Variants in CREB1 observed in about 807,000 individuals in gnomAD.
The protein encoded by CREB1 is cyclic AMP-responsive element-binding protein 1.
Under a neutral mutation model 42.0 loss-of-function variants are expected in CREB1, and 2 were observed. The ratio of observed to expected loss-of-function variants is 0.05; its 90% confidence interval spans 0.02 to 0.15. The LOEUF is 0.15. Ranked by LOEUF, CREB1 falls within the 10% of genes least tolerant of loss-of-function variation. CREB1 has a pLI of 1.00. For synonymous variants in CREB1, 123 were observed against 139.9 expected (o/e 0.88, Z 0.85); for missense variants, 199 against 388.9 (o/e 0.51, Z 4.11).
At chr2:207,568,047 T>C (rs889916076) in intron 4 of CREB1, 1 of 152,162 alleles carries the variant, frequency 6.6e-6, no homozygotes, top group Non-Finnish European at 1.5e-5. Flanking sequence ...TGTTGCCTAG[T>C]CCATGCCTTG....
chr2:207,577,488 C>A lies in CREB1; in HGVS notation c.689-17C>A. ...TGCAATGTTTCTGTCTTACACCATG[C>A]TCACTGTTTTTTTCAGCTGCCTCTG... On this transcript the variant is annotated splice_polypyrimidine_tract_variant and intron_variant, in intron 6 of 7. Coordinates refer to ENST00000353267, the MANE Select transcript of CREB1 (RefSeq NM_004379.5). 6.2e-7 allele frequency: 1 copy of A among 1,612,980 alleles called. No homozygotes were observed. Among genetic ancestry groups the A allele is most frequent in the Non-Finnish European group, 8.5e-7 (1 of 1,179,224 alleles).
intron 1 of CREB1, among the ~76,000 whole-genome samples, chr2:207,530,643 C>T (rs2106312237): frequency 6.7e-6 from 1 of 150,336 alleles, no homozygotes; most frequent in African/African-American, 2.4e-5. Flanking sequence ...GCAGCCGCCG[C>T]CTAGGTGCCG....
At position 207,576,832 on chromosome 2, in the gene CREB1, T is replaced by G. The variant is rs1343613272; in HGVS notation, c.689-673T>G. 3.0e-6 allele frequency: 3 copies of G among 1,005,354 alleles called. No homozygotes were observed. The East Asian group carries it at 2.2e-4, about 75-fold the overall frequency. The allele number at this position is 1,005,354 out of a possible 1,614,324, so 62.3% of individuals were successfully genotyped here. ...GTTCCTTATTAGGAGAGCATATTAT[T>G]ACGCTGTTTTTAGAAGCAGTTTGAC... On this transcript the variant is annotated intron_variant, in intron 6 of 7. Transcript: ENST00000353267.
chr2:207,530,601 C>T (rs1245861650), intron 1 of CREB1, among the ~76,000 whole-genome samples: 2 of 148,116 alleles, frequency 1.4e-5, no homozygotes, highest in Non-Finnish European at 3.0e-5. Flanking sequence ...CCGCCCGCCT[C>T]GCCCCCGGCC....
intron 7 of CREB1, 162 bp downstream of exon 7, chr2:207,577,817 G>T (rs1045030524): frequency 5.2e-6 from 4 of 763,376 alleles, no homozygotes; most frequent in Admixed American, 4.4e-5. Flanking sequence ...TTAATAAGCT[G>T]CACTTATAAG....
chr2:207,576,836 C>T (rs1402121626), intron 6 of CREB1: 2 of 1,003,698 alleles, frequency 2.0e-6, no homozygotes, highest in South Asian at 4.1e-5. Context: ...TATTATTACG[C>T]TGTTTTTAGA....
intron 7 of CREB1, among the ~76,000 whole-genome samples, chr2:207,589,242 G>T (rs986287941): frequency 3.3e-5 from 5 of 152,154 alleles, no homozygotes; most frequent in South Asian, 2.1e-4. Context: ...CTTCCTGGAG[G>T]TTCTAGGTGA....
At chr2:207,557,169 C>T (rs2106462866) in intron 2 of CREB1, among the ~76,000 whole-genome samples, 1 of 151,882 alleles carries the variant, frequency 6.6e-6, no homozygotes, top group South Asian at 2.1e-4. Context: ...TGCCAGCAGG[C>T]TTCTTTATGA....
rs1042634088 is a variant in CREB1 at position 207,601,456 on chromosome 2, G to T, written c.*4398G>T. On this transcript the variant is annotated 3_prime_UTR_variant, in exon 8 of 8. Coordinates refer to ENST00000353267, the MANE Select transcript of CREB1 (RefSeq NM_004379.5). ...AGAAAAACATCAGGAAATTAGATATGACTAGCCCAGTTAATTAAAAGACGG... is the reference window on the plus strand; with the variant it reads ...AGAAAAACATCAGGAAATTAGATATTACTAGCCCAGTTAATTAAAAGACGG... 2.6e-5 allele frequency: 5 copies of T among 191,246 alleles called. No homozygotes were observed. Among genetic ancestry groups the T allele is most frequent in the Admixed American group, 6.1e-5 (1 of 16,298 alleles). 11.8% of individuals were successfully genotyped at this position (191,246 alleles called of 1,614,324 possible).
Position 207,603,510 on chromosome 2 carries a change from T to G in CREB1, c.*6452T>G. On this transcript the variant is annotated 3_prime_UTR_variant, in exon 8 of 8. Coordinates refer to ENST00000353267, the MANE Select transcript of CREB1 (RefSeq NM_004379.5). The stretch of plus-strand genomic sequence containing the variant: ...CTAGTAGTGTGAAGCCATGTTTTAT[T>G]GGACTTAAAGTTACAATATATTACA... 4.4e-6 allele frequency: 1 copy of G among 225,114 alleles called. No individual in the cohort carries two copies. The highest frequency in any genetic ancestry group is 5.7e-5 in the Admixed American group (1 of 17,546). 13.9% of individuals were successfully genotyped at this position (225,114 alleles called of 1,614,324 possible).
At chr2:207,553,189 C>T (rs753011677) in intron 1 of CREB1, among the ~76,000 whole-genome samples, 10 of 151,530 alleles carry the variant, frequency 6.6e-5, no homozygotes, top group Non-Finnish European at 8.8e-5. Context: ...CTGCCTCAGC[C>T]TCCCGAGTAT....
chr2:207,576,915 A>G, intron 6 of CREB1: 1 of 892,492 alleles, frequency 1.1e-6, no homozygotes, highest in Non-Finnish European at 1.3e-6. Flanking sequence ...ATAAAACTTC[A>G]GTTTATTTAG....
Position 207,531,617 on chromosome 2 carries a change from A to G in CREB1, c.-9+1483A>G, listed in dbSNP as rs1445491921. Among the ~76,000 whole-genome samples, 2 of 152,234 alleles carry G rather than the reference A, an allele frequency of 1.3e-5. 1 individual carries two copies. Among genetic ancestry groups the G allele is most frequent in the African/African-American group, 4.8e-5 (2 of 41,454 alleles). On this transcript the variant is annotated intron_variant, in intron 1 of 7. Transcript: ENST00000353267. ...TAGAAGATACTTTTGATTGCTGCCT[A>G]TTGAAATCTTTTACATTTATGGCTC...
chr2:207,562,478 C>T (rs2081991184), intron 3 of CREB1, among the ~76,000 whole-genome samples: 1 of 151,830 alleles, frequency 6.6e-6, no homozygotes, highest in Non-Finnish European at 1.5e-5. Context: ...GAAATATTCT[C>T]TTTTTTTTAT....
intron 7 of CREB1, chr2:207,582,118 T>C (rs748206992): frequency 5.7e-6 from 4 of 702,852 alleles, no homozygotes; most frequent in South Asian, 4.4e-5. Context: ...TTTTTCTCTT[T>C]GTCCAGCCCA....
At chr2:207,532,878 C>T (rs567364319) in intron 1 of CREB1, among the ~76,000 whole-genome samples, 2 of 151,952 alleles carry the variant, frequency 1.3e-5, no homozygotes, top group Non-Finnish European at 1.5e-5. Flanking sequence ...GCCCCAGCCC[C>T]CCGAGTAGCT....
intron 7 of CREB1, among the ~76,000 whole-genome samples, chr2:207,587,801 G>A (rs150878368): frequency 5.3e-4 from 80 of 152,324 alleles, no homozygotes; most frequent in Middle Eastern, 6.8e-3. Flanking sequence ...AAGGGAAGGT[G>A]AGATAGGGAG....
rs1314829699 is a variant in CREB1, at chr2:207,575,446, T to C, written c.680T>C (p.Val227Ala). Residue 227 changes from valine to alanine, a missense_variant, in exon 6 of 8, where the codon GTT becomes GCT. Coordinates refer to ENST00000353267, the MANE Select transcript of CREB1 (RefSeq NM_004379.5). ...ATCTTAGTGCCCAGCAACCAAGTTG[T>C]TGTTCAAGGTAAGGGAATTCAGAAT... ...QQILVPSNQV[V>A]VQAASGDVQT... 1 of 1,610,118 alleles carries C rather than the reference T, an allele frequency of 6.2e-7. No individual in the cohort carries two copies. The highest frequency in any genetic ancestry group is 8.5e-7 in the Non-Finnish European group (1 of 1,177,090).
intron 1 of CREB1, among the ~76,000 whole-genome samples, chr2:207,546,743 AAAC>A (rs1448015492): frequency 1.3e-5 from 2 of 151,998 alleles, no homozygotes; most frequent in Admixed American, 6.6e-5. Context: ...AAAAAACAAA[AAAC>A]AACAAAAACA....
Sources: gnomAD v4.1 joint callset for allele counts (sites outside exome capture counted in the v4.1 genomes callset) on GRCh38, gnomAD v4.1.1 for gene constraint, MANE v1.5 for transcripts, NCBI Gene and HGNC (gene_info 2026-07-23, HGNC 2026-07-21) for gene names.